Variants in MACROD2 observed in about 807,000 individuals in gnomAD.
The protein encoded by MACROD2 is ADP-ribose glycohydrolase MACROD2.
Under a neutral mutation model 70.4 loss-of-function variants are expected in MACROD2, and 36 were observed. The observed-to-expected ratio is 0.51, with a 90% confidence interval of 0.39 to 0.68. The LOEUF (loss-of-function observed/expected upper bound fraction) is 0.68. Among genes scored for constraint, MACROD2 ranks in the 30% least tolerant of loss-of-function variants. The probability of loss-of-function intolerance (pLI) is 0.00; values close to 1 mark genes in which losing one functional copy is unlikely to be tolerated. For missense variants in MACROD2, 496 were observed against 538.4 expected, an observed-to-expected ratio of 0.92 and a Z score of 0.78; for synonymous variants, 172 against 178.8, an observed-to-expected ratio of 0.96 and a Z score of 0.30.
At chr20:14,190,673 CATATATATAT>C (rs1165737410) in intron 3 of MACROD2, among the ~76,000 whole-genome samples, 50 of 39,134 alleles carry the variant, frequency 1.3e-3, no homozygotes, top group African/African-American at 5.4e-3. Context: ...GTATTCATTC[CATATATATAT>C]ATATATATAT....
At chr20:15,352,103 C>A (rs6043230) in intron 6 of MACROD2, among the ~76,000 whole-genome samples, 19,775 of 152,122 alleles carry the variant, frequency 0.13, 1,309 homozygotes, top group Middle Eastern at 0.23. Context: ...GGTCCATGTG[C>A]AGCAGAGTGT....
intron 3 of MACROD2, among the ~76,000 whole-genome samples, chr20:14,209,345 A>T (rs1266263038): frequency 6.6e-6 from 1 of 152,156 alleles, no homozygotes; most frequent in East Asian, 1.9e-4. Flanking sequence ...ACTTTTAGGG[A>T]GAAGAGTTTC....
At chr20:14,327,912 C>T (rs2122586696) in intron 3 of MACROD2, among the ~76,000 whole-genome samples, 1 of 152,074 alleles carries the variant, frequency 6.6e-6, no homozygotes, top group Non-Finnish European at 1.5e-5. Context: ...ATATCCATTT[C>T]TTACTTAATA....
chr20:15,768,863 A>G (rs779892717), intron 8 of MACROD2, among the ~76,000 whole-genome samples: 3 of 152,138 alleles, frequency 2.0e-5, no homozygotes, highest in Non-Finnish European at 4.4e-5. Flanking sequence ...ACTAAAACAA[A>G]AATACACACG....
chr20:15,937,591 G>T, intron 12 of MACROD2, 47 bp downstream of exon 12: 2 of 1,550,622 alleles, frequency 1.3e-6, no homozygotes, highest in South Asian at 1.1e-5. Context: ...TCTTAAAAGA[G>T]ACTGTTTGGG....
chr20:14,641,485 T>C (rs1985087384), intron 4 of MACROD2, among the ~76,000 whole-genome samples: 1 of 152,254 alleles, frequency 6.6e-6, no homozygotes, highest in Non-Finnish European at 1.5e-5. Flanking sequence ...CAGTGTCCTT[T>C]GCCCAGATCC....
intron 8 of MACROD2, among the ~76,000 whole-genome samples, chr20:15,649,420 T>G (rs1428752114): frequency 2.6e-5 from 4 of 151,988 alleles, no homozygotes; most frequent in Non-Finnish European, 2.9e-5. Context: ...GCAAACACAG[T>G]AAAGACCATG....
intron 5 of MACROD2, among the ~76,000 whole-genome samples, chr20:14,737,636 G>A (rs558226767): frequency 3.0e-4 from 45 of 152,186 alleles, no homozygotes; most frequent in African/African-American, 1.1e-3. Flanking sequence ...ACTGTTTAAT[G>A]ATCACCATTC....
At chr20:15,172,539 A>G (rs2145890060) in intron 5 of MACROD2, among the ~76,000 whole-genome samples, 1 of 152,258 alleles carries the variant, frequency 6.6e-6, no homozygotes, top group East Asian at 1.9e-4. Flanking sequence ...GGCGCCTGCC[A>G]CAATATTTGG....
intron 5 of MACROD2, among the ~76,000 whole-genome samples, chr20:15,217,786 T>G (rs1006351557): frequency 6.6e-6 from 1 of 152,212 alleles, no homozygotes; most frequent in Non-Finnish European, 1.5e-5. Flanking sequence ...TTTTTCTTTT[T>G]AAACCTGATA....
intron 6 of MACROD2, among the ~76,000 whole-genome samples, chr20:15,376,727 C>T (rs1044497945): frequency 5.3e-5 from 8 of 152,034 alleles, no homozygotes; most frequent in Admixed American, 3.9e-4. Flanking sequence ...TCCTGTTTTA[C>T]GGATGAAGAA....
intron 8 of MACROD2, among the ~76,000 whole-genome samples, chr20:15,843,001 A>G (rs1040974912): frequency 1.3e-5 from 2 of 152,306 alleles, no homozygotes; most frequent in East Asian, 3.9e-4. Context: ...GAAAAGAGAC[A>G]GGAAACAGTA....
At chr20:14,631,498 C>G (rs943516237) in intron 4 of MACROD2, among the ~76,000 whole-genome samples, 1 of 152,132 alleles carries the variant, frequency 6.6e-6, no homozygotes, top group South Asian at 2.1e-4. Context: ...GGGCCGGGCA[C>G]GGTGGCTTAC....
At chr20:15,534,948 C>T (rs866982767) in intron 8 of MACROD2, among the ~76,000 whole-genome samples, 1 of 151,896 alleles carries the variant, frequency 6.6e-6, no homozygotes. Context: ...ATTCTTTGAC[C>T]GGATTTATAA....
At chr20:15,865,971 A>T (rs1279404646) in intron 9 of MACROD2, among the ~76,000 whole-genome samples, 1 of 152,220 alleles carries the variant, frequency 6.6e-6, no homozygotes. Context: ...TACCATGATC[A>T]GCAGTTGTGG....
At chr20:14,526,845 G>A (rs1407686889) in intron 4 of MACROD2, among the ~76,000 whole-genome samples, 13 of 152,238 alleles carry the variant, frequency 8.5e-5, no homozygotes, top group South Asian at 8.3e-4. Flanking sequence ...CCCAGTGGGC[G>A]TGTGTTACAG....
At chr20:15,767,513 TAA>T (rs2051548004) in intron 8 of MACROD2, among the ~76,000 whole-genome samples, 1 of 152,234 alleles carries the variant, frequency 6.6e-6, no homozygotes, top group Admixed American at 6.5e-5. Flanking sequence ...CATCCTTTCT[TAA>T]ATGAAGAAAG....
At chr20:15,283,629 G>A (rs1012555917) in intron 6 of MACROD2, among the ~76,000 whole-genome samples, 10 of 151,866 alleles carry the variant, frequency 6.6e-5, no homozygotes, top group East Asian at 1.9e-4. Flanking sequence ...CCGAGTTCAC[G>A]CCATTGCACT....
At chr20:16,035,050 A>G (rs972076299) in intron 15 of MACROD2, among the ~76,000 whole-genome samples, 3 of 140,502 alleles carry the variant, frequency 2.1e-5, no homozygotes, top group African/African-American at 7.8e-5. Flanking sequence ...AATATAATAT[A>G]GAATATAAAA....
Sources: gnomAD v4.1 joint callset for allele counts (sites outside exome capture counted in the v4.1 genomes callset) on GRCh38, gnomAD v4.1.1 for gene constraint, MANE v1.5 for transcripts, NCBI Gene and HGNC (gene_info 2026-07-23, HGNC 2026-07-21) for gene names.